Variants in CCDC12 observed in about 807,000 individuals in gnomAD.
The protein encoded by CCDC12 is coiled-coil domain containing 12, also known as coiled-coil domain-containing protein 12.
A neutral mutation model predicts 25.7 loss-of-function variants in CCDC12; 28 were observed. The observed-to-expected ratio is 1.09, with a 90% CI of 0.81 to 1.50. The LOEUF (loss-of-function observed/expected upper bound fraction) is 1.50. Ranked by LOEUF, CCDC12 falls within the 40% of genes most tolerant of loss-of-function variation. CCDC12 has a pLI of 0.00. For synonymous variants in CCDC12, 75 were observed against 87.7 expected, an observed-to-expected ratio of 0.86 and a Z score of 0.81; for missense variants, 198 against 210.0, an observed-to-expected ratio of 0.94 and a Z score of 0.35.
chr3:46,954,523 G>A (rs1366519997), intron 1 of CCDC12, among the ~76,000 whole-genome samples: 1 of 152,146 alleles, frequency 6.6e-6, no homozygotes, highest in African/African-American at 2.4e-5. Flanking sequence ...ACTCAAACCT[G>A]GCACCAGATG....
At chr3:46,950,549 G>A (rs1462695719) in intron 1 of CCDC12, among the ~76,000 whole-genome samples, 1 of 151,940 alleles carries the variant, frequency 6.6e-6, no homozygotes, top group East Asian at 1.9e-4. Flanking sequence ...GAGCTCCTGG[G>A]CTCAAGTAAT....
chr3:46,951,712 G>A (rs1232609142), intron 1 of CCDC12, among the ~76,000 whole-genome samples: 2 of 140,768 alleles, frequency 1.4e-5, no homozygotes, highest in East Asian at 2.1e-4. Context: ...CTAGGGAGGC[G>A]GAGCTTGCAG....
chr3:46,928,664 A>G (rs1046164052), intron 2 of CCDC12, among the ~76,000 whole-genome samples: 3 of 152,264 alleles, frequency 2.0e-5, no homozygotes, highest in Admixed American at 1.3e-4. Context: ...GTCACACAAA[A>G]TTCTAAATCT....
At chr3:46,952,350 G>T (rs2034155586) in intron 1 of CCDC12, among the ~76,000 whole-genome samples, 2 of 152,184 alleles carry the variant, frequency 1.3e-5, no homozygotes, top group Admixed American at 1.3e-4. Flanking sequence ...GACCAGGTCT[G>T]TGCATGTCAT....
At chr3:46,955,602 G>C (rs1226177813) in intron 1 of CCDC12, among the ~76,000 whole-genome samples, 1 of 152,190 alleles carries the variant, frequency 6.6e-6, no homozygotes, top group East Asian at 1.9e-4. Flanking sequence ...TGATATCCAA[G>C]GGCACTGGGG....
At chr3:46,953,617 TGTCAATGCCTAA>T (rs2034196192) in intron 1 of CCDC12, among the ~76,000 whole-genome samples, 1 of 151,296 alleles carries the variant, frequency 6.6e-6, no homozygotes, top group Non-Finnish European at 1.5e-5. Flanking sequence ...GACACAGCCT[TGTCAATGCCTAA>T]TGACTTTTCT....
intron 1 of CCDC12, among the ~76,000 whole-genome samples, chr3:46,963,952 G>T (rs2034548478): frequency 6.6e-6 from 1 of 152,028 alleles, no homozygotes; most frequent in Non-Finnish European, 1.5e-5. Context: ...CTGCCTGGCT[G>T]CCCAGTCTGG....
chr3:46,950,753 G>A (rs926479030), intron 1 of CCDC12, among the ~76,000 whole-genome samples: 2 of 152,090 alleles, frequency 1.3e-5, no homozygotes, highest in Non-Finnish European at 2.9e-5. Context: ...AATAACCTGT[G>A]TCCATAAATG....
At chr3:46,949,077 G>T (rs1286110259) in intron 1 of CCDC12, among the ~76,000 whole-genome samples, 1 of 152,228 alleles carries the variant, frequency 6.6e-6, no homozygotes, top group Non-Finnish European at 1.5e-5. Flanking sequence ...AAACACAGGC[G>T]AGTGTGAGAA....
intron 1 of CCDC12, among the ~76,000 whole-genome samples, chr3:46,951,798 A>AAAAAAAAAAAAAAAAAATATATAT: frequency 1.2e-4 from 1 of 8,468 alleles, no homozygotes; most frequent in African/African-American, 2.5e-4. Context: ...AAAAAAAAAA[A>AAAAAAAAAAAAAAAAAATATATAT]ATATATATAT....
chr3:46,952,833 A>G (rs1343247103), intron 1 of CCDC12, among the ~76,000 whole-genome samples: 2 of 152,280 alleles, frequency 1.3e-5, no homozygotes. Context: ...ACAGATGAGA[A>G]AAATGGAAGC....
At chr3:46,965,044 A>G (rs2034599581) in intron 1 of CCDC12, among the ~76,000 whole-genome samples, 1 of 152,148 alleles carries the variant, frequency 6.6e-6, no homozygotes, top group Non-Finnish European at 1.5e-5. Flanking sequence ...AAGTCCTCCA[A>G]AGAGAAGATT....
At chr3:46,932,450 T>C (rs2033268327) in intron 2 of CCDC12, among the ~76,000 whole-genome samples, 2 of 152,228 alleles carry the variant, frequency 1.3e-5, no homozygotes, top group Admixed American at 1.3e-4. Context: ...GCTTCCCCAC[T>C]CGTGGGCAGA....
intron 2 of CCDC12, among the ~76,000 whole-genome samples, chr3:46,929,028 T>C (rs1241464565): frequency 6.6e-6 from 1 of 152,108 alleles, no homozygotes. Context: ...TAAATGAATA[T>C]TGACTGTATA....
intron 1 of CCDC12, among the ~76,000 whole-genome samples, chr3:46,955,480 A>T (rs2034262045): frequency 6.6e-6 from 1 of 152,268 alleles, no homozygotes; most frequent in South Asian, 2.1e-4. Context: ...CTGGAAGGCC[A>T]GCCAGGTGGG....
intron 2 of CCDC12, among the ~76,000 whole-genome samples, chr3:46,930,888 G>A (rs761343352): frequency 2.0e-5 from 3 of 152,110 alleles, no homozygotes; most frequent in Admixed American, 6.5e-5. Context: ...CCCACTCCAT[G>A]CACGTGGCCC....
intron 1 of CCDC12, among the ~76,000 whole-genome samples, chr3:46,958,252 T>C (rs1158600006): frequency 2.0e-5 from 3 of 152,138 alleles, no homozygotes; most frequent in Non-Finnish European, 4.4e-5. Flanking sequence ...GGAGACAAGA[T>C]AAGGGTAATC....
At chr3:46,973,338 A>G (rs1299329564) in intron 1 of CCDC12, among the ~76,000 whole-genome samples, 1 of 141,592 alleles carries the variant, frequency 7.1e-6, no homozygotes, top group African/African-American at 2.6e-5. Flanking sequence ...GGGCAACAAG[A>G]GCGAAGCTCC....
chr3:46,933,640 A>G (rs779061239), intron 2 of CCDC12, among the ~76,000 whole-genome samples: 3 of 152,236 alleles, frequency 2.0e-5, no homozygotes, highest in Non-Finnish European at 4.4e-5. Flanking sequence ...CTTTGCACCC[A>G]TCCCACCTGA....
Sources: gnomAD v4.1 joint callset for allele counts (sites outside exome capture counted in the v4.1 genomes callset) on GRCh38, gnomAD v4.1.1 for gene constraint, MANE v1.5 for transcripts, NCBI Gene and HGNC (gene_info 2026-07-23, HGNC 2026-07-21) for gene names.